The following MFRP variants were observed in gnomAD, a reference collection of about 807,000 sequenced individuals.
MFRP encodes the protein membrane frizzled-related protein, also known as C1q and TNF related 5.
Under a neutral mutation model 65.8 loss-of-function variants are expected in MFRP, and 74 were observed. The ratio of observed to expected loss-of-function variants is 1.12; its 90% CI spans 0.93 to 1.36. The LOEUF is 1.36. Among genes scored for constraint, MFRP ranks in the 40% most tolerant of loss-of-function variants. The pLI, the probability that MFRP is intolerant of heterozygous loss-of-function variation, is 0.00. For missense variants in MFRP, 838 were observed against 736.0 expected, an observed-to-expected ratio of 1.14 and a Z score of -1.60; for synonymous variants, 336 against 288.3, an observed-to-expected ratio of 1.17 and a Z score of -1.68.
At position 119,341,270 on chromosome 11, in the gene MFRP, T is replaced by C; in HGVS notation, c.*278A>G. The stretch of plus-strand genomic sequence containing the variant: ...GCGATGGAGAAGCTGAAAAAGCAGA[T>C]GGAAAGGGGAAGAGGCCTGGATGGG... On this transcript the variant is annotated 3_prime_UTR_variant, in exon 13 of 15. Transcript: ENST00000619721. 1 of 500,856 alleles carries C rather than the reference T, an allele frequency of 2.0e-6. No homozygotes were observed. The highest frequency in any genetic ancestry group is 3.6e-6 in the Non-Finnish European group (1 of 278,520). 31.0% of individuals were successfully genotyped at this position (500,856 alleles called of 1,614,324 possible).
rs772995779 is a variant in MFRP, at chr11:119,344,405, GA to G, written c.899-15del. ...TCCCCCCACACCCTGTAGAGAGGTG[GA>G]AGGGCTCATGAGTTTGCTAGGATCT... is the stretch of plus-strand genomic sequence containing the variant. On this transcript the variant is annotated splice_polypyrimidine_tract_variant and intron_variant, in intron 7 of 14. Coordinates refer to ENST00000619721, the MANE Select transcript of MFRP (RefSeq NM_031433.4). 97 of 1,612,116 alleles carry G rather than the reference GA, an allele frequency of 6.0e-5. No individual in the cohort carries two copies. Among genetic ancestry groups the G allele is most frequent in the Non-Finnish European group, 8.1e-5 (95 of 1,178,926 alleles).
Position 119,344,324 on chromosome 11 carries a change from A to G in MFRP, c.966T>C (p.Pro322=). 1 of 1,613,864 alleles carries G rather than the reference A, an allele frequency of 6.2e-7. No homozygotes were observed. Among genetic ancestry groups the G allele is most frequent in the Non-Finnish European group, 8.5e-7 (1 of 1,179,956 alleles). The change falls in exon 8 of 15, where the codon CCT becomes CCC. Residue 322 remains proline (P), a synonymous_variant. Coordinates refer to ENST00000619721, the MANE Select transcript of MFRP (RefSeq NM_031433.4). ...GGAGCACTGTGCTTACCAGTTGGTG[A>G]GGGTACTGCTGCAGGTAGCTGGGAG... ...FSTPSYLQQY[P]HQLLCTWHIS... is the part of the protein sequence containing the mutation.
At chr11:119,345,748 C>G (rs759494222) in intron 4 of MFRP, 25 bp downstream of exon 4, 4 of 1,613,386 alleles carry the variant, frequency 2.5e-6, no homozygotes, top group Non-Finnish European at 3.4e-6. Flanking sequence ...GCCCTTCTCC[C>G]GGAAGATCTG....
At position 119,339,676 on chromosome 11, in the gene MFRP, C is replaced by T. The variant is rs755515253; in HGVS notation, c.*1283G>A. 6.2e-7 allele frequency: 1 copy of T among 1,610,976 alleles called. No individual in the cohort carries two copies. The highest frequency in any genetic ancestry group is 2.2e-5 in the East Asian group (1 of 44,880). On this transcript the variant is annotated 3_prime_UTR_variant, in exon 15 of 15. Coordinates refer to ENST00000619721, the MANE Select transcript of MFRP (RefSeq NM_031433.4). The surrounding 1 kb of genome is among the most constrained non-coding windows in gnomAD (Gnocchi z 5.4). Reference sequence around the variant, plus strand: ...CGTCGTAATGTCCCTGCTCGTTCACCAGCACGCGGTCGAAGGGCAAGGGTG... The same window carrying T: ...CGTCGTAATGTCCCTGCTCGTTCACTAGCACGCGGTCGAAGGGCAAGGGTG...
At position 119,339,971 on chromosome 11, in the gene MFRP, G is replaced by T. The variant is rs2069934127; in HGVS notation, c.*1111-123C>A. The T allele has an allele frequency of 5.5e-5, 73 of 1,338,232 alleles. No individual in the cohort carries two copies. The South Asian group carries it at 1.1e-3, about 20-fold the overall frequency. The allele number at this position is 1,338,232 out of a possible 1,614,324, so 82.9% of individuals were successfully genotyped here. A position where few individuals can be genotyped will look rare whatever the true frequency, so the allele number is the denominator to read the frequency against. ...TGAGCTTCGGCCAGCGCCTCCTCCC[G>T]CACGGGTACCTCCTCCACCCCTTCC... On this transcript the variant is annotated intron_variant, in intron 14 of 14. Coordinates refer to ENST00000619721, the MANE Select transcript of MFRP (RefSeq NM_031433.4). The surrounding 1 kb of genome is among the most constrained non-coding windows in gnomAD (Gnocchi z 5.4).
rs1591299161 is a variant in MFRP at position 119,339,464 on chromosome 11, T to C, written c.*1495A>G. 1 of 1,613,830 alleles carries C rather than the reference T, an allele frequency of 6.2e-7. No individual in the cohort carries two copies. The highest frequency in any genetic ancestry group is 2.2e-5 in the East Asian group (1 of 44,866). ...CTGCACCCACACTTGGTCCTCAGGC[T>C]CCAGCCTCACCATGGCCCCCCCCGA... On this transcript the variant is annotated 3_prime_UTR_variant, in exon 15 of 15. Transcript: ENST00000619721. This position sits in a 1 kb window ranked among gnomAD's most constrained non-coding sequence, Gnocchi z 5.4.
Position 119,346,682 on chromosome 11 carries a change from C to T in MFRP, c.-169G>A, listed in dbSNP as rs1950574740. 1.4e-6 allele frequency: 1 copy of T among 696,384 alleles called. No individual in the cohort carries two copies. Among genetic ancestry groups the T allele is most frequent in the Non-Finnish European group, 2.6e-6 (1 of 386,552 alleles). The allele number at this position is 696,384 out of a possible 1,614,324, so 43.1% of individuals were successfully genotyped here. On this transcript the variant is annotated 5_prime_UTR_variant, in exon 1 of 15. Coordinates refer to ENST00000619721, the MANE Select transcript of MFRP (RefSeq NM_031433.4). ...GCTGTCCTTGGTAGAGTGGTTTGGC[C>T]TATGGGCTACTCTGTCTCTGTGTGG...
chr11:119,340,171 G>A lies in MFRP; in HGVS notation c.*1110+13C>T, dbSNP rs916580246. 5 of 1,509,842 alleles carry A rather than the reference G, an allele frequency of 3.3e-6. No individual in the cohort carries two copies. Among genetic ancestry groups the A allele is most frequent in the African/African-American group, 1.5e-5 (1 of 68,554 alleles). 93.5% of individuals were successfully genotyped at this position (1,509,842 alleles called of 1,614,324 possible). On this transcript the variant is annotated intron_variant, in intron 14 of 14. Transcript: ENST00000619721. Reference sequence around the variant, plus strand: ...GGACATCGCCACCGATAGCCGCGGCGGTGCCTTCTTACCCGGCCTCCCGCC... The same window carrying A: ...GGACATCGCCACCGATAGCCGCGGCAGTGCCTTCTTACCCGGCCTCCCGCC...
At position 119,340,973 on chromosome 11, in the gene MFRP, G is replaced by C. The variant is rs926673639; in HGVS notation, c.*575C>G. The C allele has an allele frequency of 5.7e-6, 1 of 174,018 alleles. No individual in the cohort carries two copies. The highest frequency in any genetic ancestry group is 2.4e-5 in the African/African-American group (1 of 41,616). 10.8% of individuals were successfully genotyped at this position (174,018 alleles called of 1,614,324 possible). ...GGCCAAAGTTTAGGGGGAGAAAGGAGGGGGAGAGAGACTTGAGCTGGGCAC... is the reference window on the plus strand; with the variant it reads ...GGCCAAAGTTTAGGGGGAGAAAGGACGGGGAGAGAGACTTGAGCTGGGCAC... On this transcript the variant is annotated 3_prime_UTR_variant, in exon 13 of 15. Transcript: ENST00000619721.
chr11:119,339,898 C>G lies in MFRP; in HGVS notation c.*1111-50G>C. 1 of 1,431,676 alleles carries G rather than the reference C, an allele frequency of 7.0e-7. No individual in the cohort carries two copies. Among genetic ancestry groups the G allele is most frequent in the South Asian group, 1.5e-5 (1 of 67,562 alleles). The allele number at this position is 1,431,676 out of a possible 1,614,324, so 88.7% of individuals were successfully genotyped here. ...GTGAGAGTAGCGGCGGCTCAGCCCG[C>G]AGCGGGGCGGCGACTCTAAGGTCAC... is the stretch of plus-strand genomic sequence containing the variant. On this transcript the variant is annotated intron_variant, in intron 14 of 14. Transcript: ENST00000619721. The surrounding 1 kb of genome is among the most constrained non-coding windows in gnomAD (Gnocchi z 5.4).
chr11:119,340,794 G>A lies in MFRP; in HGVS notation c.*754C>T. ...CCCCCGCGCTTCTCCCCGGCCAGGC[G>A]CCCCCTGCCCTGCCGTCACCCCAGT... On this transcript the variant is annotated 3_prime_UTR_variant, in exon 13 of 15. Coordinates refer to ENST00000619721, the MANE Select transcript of MFRP (RefSeq NM_031433.4). The A allele has an allele frequency of 3.9e-6, 1 of 257,156 alleles. No homozygotes were observed. The highest frequency in any genetic ancestry group is 4.6e-5 in the South Asian group (1 of 21,822). The allele number at this position is 257,156 out of a possible 1,614,324, so 15.9% of individuals were successfully genotyped here. A position where few individuals can be genotyped will look rare whatever the true frequency, so the allele number is the denominator to read the frequency against.
chr11:119,344,405 G>T lies in MFRP; in HGVS notation c.899-14C>A, dbSNP rs974612037. 6.2e-7 allele frequency: 1 copy of T among 1,612,234 alleles called. No homozygotes were observed. The highest frequency in any genetic ancestry group is 8.5e-7 in the Non-Finnish European group (1 of 1,178,918). On this transcript the variant is annotated splice_polypyrimidine_tract_variant and intron_variant, in intron 7 of 14. Coordinates refer to ENST00000619721, the MANE Select transcript of MFRP (RefSeq NM_031433.4). ...TCCCCCCACACCCTGTAGAGAGGTG[G>T]AAGGGCTCATGAGTTTGCTAGGATC...
Position 119,340,699 on chromosome 11 carries a change from C to T in MFRP, c.*849G>A, listed in dbSNP as rs185696769. On this transcript the variant is annotated 3_prime_UTR_variant, in exon 13 of 15. Coordinates refer to ENST00000619721, the MANE Select transcript of MFRP (RefSeq NM_031433.4). ...CCCCTCCTCCGCCAGACTCACCCCC[C>T]CTCCCGGCTCCCCGATGGCCTCCTT... 1.6e-4 allele frequency: 69 copies of T among 429,406 alleles called. No individual in the cohort carries two copies. The East Asian group carries it at 2.6e-3, about 16-fold the overall frequency. The allele number at this position is 429,406 out of a possible 1,614,324, so 26.6% of individuals were successfully genotyped here.
rs201890505 is a variant in MFRP at position 119,344,888 on chromosome 11, A to G, written c.758T>C (p.Met253Thr). The stretch of plus-strand genomic sequence containing the variant: ...AACACACTCACCGCGCCCAGGGGCC[A>G]TAGCCTGGTACCAGGCATGGAAACC... ...GFGFHAWYQA[M>T]APGRGSCAHD... The change falls in exon 6 of 15, where the codon ATG becomes ACG. Residue 253 changes from methionine (M) to threonine (T), a missense_variant. Coordinates refer to ENST00000619721, the MANE Select transcript of MFRP (RefSeq NM_031433.4). The G allele has an allele frequency of 1.2e-6, 2 of 1,613,100 alleles. No homozygotes were observed. The highest frequency in any genetic ancestry group is 1.7e-6 in the Non-Finnish European group (2 of 1,179,894).
intron 8 of MFRP, among the ~76,000 whole-genome samples, 160 bp from the exon 9 acceptor site, chr11:119,344,124 G>A (rs1950532901): frequency 6.6e-6 from 1 of 152,020 alleles, no homozygotes; most frequent in Non-Finnish European, 1.5e-5. Context: ...TTTCAGAGGT[G>A]AGTTGACCCA....
chr11:119,345,099 C>G, intron 5 of MFRP, 95 bp from the exon 6 acceptor site: 1 of 1,492,720 alleles, frequency 6.7e-7, no homozygotes, highest in Non-Finnish European at 9.1e-7. Context: ...TTTCTCAACC[C>G]CCAAACTGGT....
intron 3 of MFRP, 42 bp downstream of exon 3, chr11:119,346,004 T>C (rs1311890183): frequency 6.2e-6 from 10 of 1,612,874 alleles, no homozygotes; most frequent in Non-Finnish European, 8.5e-6. Context: ...TCATGGAGTT[T>C]CATTCCAAAG....
intron 8 of MFRP, 95 bp from the exon 9 acceptor site, chr11:119,344,059 G>C (rs1268520880): frequency 1.3e-6 from 2 of 1,519,272 alleles, no homozygotes; most frequent in African/African-American, 2.7e-5. Context: ...CTGGCTGGGG[G>C]GATGGGGTGG....
rs747528186 is a variant in MFRP at position 119,341,843 on chromosome 11, T to G, written c.1515+14A>C. On this transcript the variant is annotated intron_variant, in intron 12 of 14. Transcript: ENST00000619721. ...CCCTCCCAGGCCCGCCCTCCTTCCC[T>G]CCACCCAGAAGACCTTGTAACCGCT... 6.8e-7 allele frequency: 1 copy of G among 1,473,974 alleles called. No individual in the cohort carries two copies. The highest frequency in any genetic ancestry group is 1.1e-5 in the South Asian group (1 of 88,094). The allele number at this position is 1,473,974 out of a possible 1,614,324, so 91.3% of individuals were successfully genotyped here. A position where few individuals can be genotyped will look rare whatever the true frequency, so the allele number is the denominator to read the frequency against.
Sources: gnomAD v4.1 joint callset for allele counts (sites outside exome capture counted in the v4.1 genomes callset) on GRCh38, gnomAD v4.1.1 for gene constraint, Gnocchi (gnomAD v3.1) non-coding constraint, MANE v1.5 for transcripts, NCBI Gene and HGNC (gene_info 2026-07-23, HGNC 2026-07-21) for gene names.